KLHDC1: variants seen among roughly 807,000 people sequenced by gnomAD.
The protein encoded by KLHDC1 is kelch domain containing 1, also known as kelch domain-containing protein 1.
Under a neutral mutation model 68.3 loss-of-function variants are expected in KLHDC1, and 53 were observed. The ratio of observed to expected loss-of-function variants is 0.78; its 90% CI spans 0.62 to 0.98. The LOEUF (loss-of-function observed/expected upper bound fraction) is 0.98, where lower values mean the gene tolerates loss of function less well. KLHDC1 is among the 50% of genes least tolerant of loss of function. The pLI is 0.00. For missense variants in KLHDC1, 470 were observed against 492.3 expected (o/e 0.95, Z 0.43); for synonymous variants, 148 against 159.0 (o/e 0.93, Z 0.52).
chr14:49,739,510 G>A (rs565163990), intron 10 of KLHDC1, among the ~76,000 whole-genome samples: 2 of 152,302 alleles, frequency 1.3e-5, no homozygotes, highest in Admixed American at 1.3e-4. Flanking sequence ...TCAGAGTGAT[G>A]AGTAGTGTGA....
intron 4 of KLHDC1, among the ~76,000 whole-genome samples, chr14:49,711,930 T>TTTTTA (rs1888214903): frequency 7.2e-6 from 1 of 138,818 alleles, no homozygotes; most frequent in Admixed American, 7.1e-5. Flanking sequence ...TTTTTTTTTT[T>TTTTTA]TTTTTTTGAG....
At position 49,710,285 on chromosome 14, in the gene KLHDC1, CAA is replaced by C. The variant is rs758151957; in HGVS notation, c.309_310del (p.Asp105Ter). On this transcript the variant is annotated frameshift_variant, in exon 4 of 13. Transcript: ENST00000359332. LOFTEE classifies it high-confidence loss of function. ...AAGCTTTATTTTGTTAATTTACGAACAAGAGATGAAACCTACATTTGGGAGAA... is the reference window on the plus strand; with the variant it reads ...AAGCTTTATTTTGTTAATTTACGAACGAGATGAAACCTACATTTGGGAGAA... 25 of 1,601,644 alleles carry C rather than the reference CAA, an allele frequency of 1.6e-5. No individual in the cohort carries two copies. The highest frequency in any genetic ancestry group is 2.1e-5 in the Non-Finnish European group (24 of 1,169,292).
At chr14:49,734,835 G>A (rs1397834832) in intron 10 of KLHDC1, among the ~76,000 whole-genome samples, 174 bp downstream of exon 10, 4 of 152,030 alleles carry the variant, frequency 2.6e-5, no homozygotes, top group African/African-American at 9.7e-5. Context: ...ATATCTGATT[G>A]TTAGAAATGA....
intron 1 of KLHDC1, among the ~76,000 whole-genome samples, chr14:49,693,748 C>CCTTTTTTTTTTTTTTTTTTTTTTTTTTT (rs1887644777): frequency 1.6e-5 from 1 of 61,540 alleles, no homozygotes; most frequent in Non-Finnish European, 3.4e-5. Context: ...TTTTCTTTTT[C>CCTTTTTTTTTTTTTTTTTTTTTTTTTTT]TTTTTTTTTT....
At chr14:49,720,228 C>T (rs1009085341) in intron 4 of KLHDC1, among the ~76,000 whole-genome samples, 21 of 152,012 alleles carry the variant, frequency 1.4e-4, no homozygotes, top group African/African-American at 4.3e-4. Flanking sequence ...TCAGGTGATC[C>T]GCCTGCCTTG....
intron 1 of KLHDC1, among the ~76,000 whole-genome samples, chr14:49,693,551 C>A (rs1368092819): frequency 6.6e-6 from 1 of 151,764 alleles, no homozygotes; most frequent in Non-Finnish European, 1.5e-5. Flanking sequence ...GCCAGCAATT[C>A]AGTAACCACG....
chr14:49,703,757 C>T (rs1411608941), intron 1 of KLHDC1, among the ~76,000 whole-genome samples: 2 of 152,102 alleles, frequency 1.3e-5, no homozygotes, highest in Non-Finnish European at 2.9e-5. Flanking sequence ...CTGTGCTGCC[C>T]AGTTGTTAAA....
At chr14:49,722,889 C>G (rs1437738812) in intron 4 of KLHDC1, among the ~76,000 whole-genome samples, 2 of 151,790 alleles carry the variant, frequency 1.3e-5, no homozygotes, top group African/African-American at 4.8e-5. Context: ...GAGTTCAAGA[C>G]CAGCCTGGCC....
intron 12 of KLHDC1, among the ~76,000 whole-genome samples, chr14:49,745,186 A>G (rs762966137): frequency 6.6e-6 from 1 of 152,232 alleles, no homozygotes; most frequent in Non-Finnish European, 1.5e-5. Context: ...TAGATGTTCT[A>G]TAACATGAAC....
intron 4 of KLHDC1, among the ~76,000 whole-genome samples, chr14:49,717,207 A>G (rs77212206): frequency 0.13 from 20,251 of 152,192 alleles, 1,673 homozygotes; most frequent in Non-Finnish European, 0.19. Context: ...TCAGTTTTCA[A>G]TTCTTTTGAG....
Position 49,734,596 on chromosome 14 carries a change from T to A in KLHDC1, c.831T>A (p.Gly277=). The change falls in exon 10 of 13, where the codon GGT becomes GGA. Residue 277 remains glycine (G), a synonymous_variant. Transcript: ENST00000359332. ...ACTGTCATGATATTGCAGGTGATGG[T>A]TGGATTCATAATGTCACAACAAATT... ...LSADNIPLSD[G]WIHNVTTNCW... 2 of 1,585,664 alleles carry A rather than the reference T, an allele frequency of 1.3e-6. No individual in the cohort carries two copies. Among genetic ancestry groups the A allele is most frequent in the Non-Finnish European group, 1.7e-6 (2 of 1,161,676 alleles).
At chr14:49,731,336 G>A (rs979164775) in intron 8 of KLHDC1, among the ~76,000 whole-genome samples, 13 of 152,232 alleles carry the variant, frequency 8.5e-5, no homozygotes, top group African/African-American at 3.1e-4. Context: ...TTTCCGTTTT[G>A]TAAAAAACAA....
At chr14:49,748,776 A>G (rs966035673) in intron 12 of KLHDC1, among the ~76,000 whole-genome samples, 2 of 151,160 alleles carry the variant, frequency 1.3e-5, no homozygotes, top group Non-Finnish European at 2.9e-5. Context: ...ATATATATGT[A>G]TATATATACT....
At chr14:49,750,691 T>C (rs982182975) in intron 12 of KLHDC1, among the ~76,000 whole-genome samples, 3 of 152,228 alleles carry the variant, frequency 2.0e-5, no homozygotes, top group African/African-American at 7.2e-5. Flanking sequence ...AACAGATGCT[T>C]TTTTGATAGT....
At chr14:49,721,805 G>A (rs1009161741) in intron 4 of KLHDC1, among the ~76,000 whole-genome samples, 3 of 152,120 alleles carry the variant, frequency 2.0e-5, no homozygotes, top group African/African-American at 7.2e-5. Flanking sequence ...CATTGGCCAC[G>A]AGGGAGTTCT....
intron 1 of KLHDC1, among the ~76,000 whole-genome samples, chr14:49,705,365 C>CTTGTTTTTTTTTTTTTTTTTTTTTTTT (rs1888020846): frequency 1.4e-5 from 1 of 71,664 alleles, no homozygotes; most frequent in African/African-American, 5.5e-5. Flanking sequence ...TTCTTTCTTT[C>CTTGTTTTTTTTTTTTTTTTTTTTTTTT]TTTTTTTTTT....
chr14:49,718,962 A>G (rs950158940), intron 4 of KLHDC1, among the ~76,000 whole-genome samples: 5 of 151,358 alleles, frequency 3.3e-5, no homozygotes, highest in African/African-American at 1.2e-4. Flanking sequence ...TATTTTTAGT[A>G]GAGACGGGGT....
At chr14:49,700,696 G>C (rs1887880757) in intron 1 of KLHDC1, among the ~76,000 whole-genome samples, 1 of 152,172 alleles carries the variant, frequency 6.6e-6, no homozygotes, top group South Asian at 2.1e-4. Flanking sequence ...AAGGTGGAAG[G>C]CTTACCGTGT....
chr14:49,729,790 T>C (rs1278612359), intron 8 of KLHDC1, among the ~76,000 whole-genome samples: 1 of 152,228 alleles, frequency 6.6e-6, no homozygotes, highest in Non-Finnish European at 1.5e-5. Flanking sequence ...TAAGTAGTTT[T>C]TGAGGATTGA....
Sources: gnomAD v4.1 joint callset for allele counts (sites outside exome capture counted in the v4.1 genomes callset) on GRCh38, gnomAD v4.1.1 for gene constraint, MANE v1.5 for transcripts, NCBI Gene and HGNC (gene_info 2026-07-23, HGNC 2026-07-21) for gene names.